The following OSBPL10 variants were observed in gnomAD, a reference collection of about 807,000 sequenced individuals.
The protein encoded by OSBPL10 is oxysterol-binding protein-related protein 10.
A neutral mutation model predicts 81.7 loss-of-function variants in OSBPL10; 49 were observed. The observed-to-expected ratio is 0.60, with a 90% CI of 0.48 to 0.76. The LOEUF (loss-of-function observed/expected upper bound fraction) is 0.76. OSBPL10 is among the 30% of genes least tolerant of loss of function. The pLI, the probability that OSBPL10 is intolerant of heterozygous loss-of-function variation, is 0.00. For synonymous variants in OSBPL10, 419 were observed against 383.6 expected (o/e 1.09, Z -1.08); for missense variants, 923 against 987.8 (o/e 0.93, Z 0.88).
intron 5 of OSBPL10, among the ~76,000 whole-genome samples, chr3:31,738,342 G>T (rs1697251506): frequency 6.8e-6 from 1 of 147,202 alleles, no homozygotes. Flanking sequence ...AAAATCAAGA[G>T]AAAAATTTTC....
At chr3:31,685,904 C>T (rs1030705901) in intron 7 of OSBPL10, among the ~76,000 whole-genome samples, 2 of 152,138 alleles carry the variant, frequency 1.3e-5, no homozygotes, top group Admixed American at 6.5e-5. Context: ...ATTTGATCCC[C>T]GATGTGGCAG....
At chr3:31,739,387 A>G (rs1310377611) in intron 5 of OSBPL10, among the ~76,000 whole-genome samples, 2 of 152,246 alleles carry the variant, frequency 1.3e-5, no homozygotes, top group African/African-American at 4.8e-5. Flanking sequence ...CCATCCTATC[A>G]GATCCTCTCT....
chr3:31,948,236 T>G lies in OSBPL10; in HGVS notation c.281+32663A>C, dbSNP rs115021489. On this transcript the variant is annotated intron_variant, in intron 1 of 11. Transcript: ENST00000396556. ...CAATGGACAGAGTCCATTCTAGAAG[T>G]CCAGCAGAACAATATACATGCAGGG... 3.4e-3 allele frequency among the ~76,000 whole-genome samples: 519 copies of G among 152,206 alleles called. 1 individual carries two copies. Among genetic ancestry groups the G allele is most frequent in the African/African-American group, 0.012 (496 of 41,526 alleles).
chr3:32,051,625 T>C (rs1699670714), intron 1 of OSBPL10, among the ~76,000 whole-genome samples: 2 of 152,210 alleles, frequency 1.3e-5, no homozygotes, highest in South Asian at 4.1e-4. Flanking sequence ...TGTGGATCTA[T>C]TTTCCTTTCC....
intron 3 of OSBPL10, among the ~76,000 whole-genome samples, chr3:31,873,248 C>T (rs1161128121): frequency 6.6e-6 from 1 of 152,112 alleles, no homozygotes; most frequent in Non-Finnish European, 1.5e-5. Flanking sequence ...CAATATTCTA[C>T]CATATTCTAC....
At chr3:31,931,331 C>A (rs1398956284) in intron 1 of OSBPL10, among the ~76,000 whole-genome samples, 1 of 152,166 alleles carries the variant, frequency 6.6e-6, no homozygotes, top group Non-Finnish European at 1.5e-5. Context: ...TCTGATGATT[C>A]TCTCTAAAAC....
chr3:32,014,199 A>C (rs1201658337), intron 2 of OSBPL10, among the ~76,000 whole-genome samples: 2 of 152,226 alleles, frequency 1.3e-5, no homozygotes, highest in Admixed American at 1.3e-4. Context: ...ATCCTCAATA[A>C]AATACTGGCA....
In OSBPL10 at chr3:32,050,345, T is replaced by C. The variant is rs929485051; in HGVS notation, n.186-3742A>G. ...CGGTGGCATGAATTCAGGGTTCAATTTCTGGCTTTGGGAATGAGTCCTTTC... is the reference window on the plus strand; with the variant it reads ...CGGTGGCATGAATTCAGGGTTCAATCTCTGGCTTTGGGAATGAGTCCTTTC... On this transcript the variant is annotated intron_variant and non_coding_transcript_variant, in intron 1 of 3. Transcript: ENST00000479173. 8.5e-5 allele frequency among the ~76,000 whole-genome samples: 13 copies of C among 152,354 alleles called. 1 individual carries two copies. The highest frequency in any genetic ancestry group is 3.1e-4 in the African/African-American group (13 of 41,586).
chr3:31,788,230 T>C (rs1040518158), intron 4 of OSBPL10, among the ~76,000 whole-genome samples: 1 of 152,194 alleles, frequency 6.6e-6, no homozygotes, highest in Non-Finnish European at 1.5e-5. Context: ...ACTATCAACA[T>C]GAACAGGAAT....
At chr3:31,675,252 A>G (rs1446009759) in intron 8 of OSBPL10, among the ~76,000 whole-genome samples, 4 of 152,220 alleles carry the variant, frequency 2.6e-5, no homozygotes, top group African/African-American at 9.6e-5. Context: ...AACAGCCACA[A>G]ACTTGGCTGG....
At chr3:31,780,755 T>C (rs1476976048) in intron 4 of OSBPL10, among the ~76,000 whole-genome samples, 6 of 152,034 alleles carry the variant, frequency 3.9e-5, no homozygotes, top group African/African-American at 1.4e-4. Flanking sequence ...CTGGATTAAA[T>C]TAGGAAGAAA....
Position 31,830,293 on chromosome 3 carries a change from G to A in OSBPL10, c.538-62C>T, listed in dbSNP as rs574948925. ...ACCTGCAGAACACAACTAAGTGTTGGCTTCTATTCATTTTGGACCTCTTCA... is the reference window on the plus strand; with the variant it reads ...ACCTGCAGAACACAACTAAGTGTTGACTTCTATTCATTTTGGACCTCTTCA... On this transcript the variant is annotated intron_variant, in intron 3 of 11. Transcript: ENST00000396556. 9 of 1,479,106 alleles carry A rather than the reference G, an allele frequency of 6.1e-6. No homozygotes were observed. The East Asian group carries it at 2.1e-4, about 34-fold the overall frequency. The allele number at this position is 1,479,106 out of a possible 1,614,324, so 91.6% of individuals were successfully genotyped here.
intron 1 of OSBPL10, among the ~76,000 whole-genome samples, chr3:32,047,764 A>C (rs1329800603): frequency 2.7e-5 from 4 of 150,936 alleles, no homozygotes; most frequent in Non-Finnish European, 5.9e-5. Flanking sequence ...CCGGGTTCAC[A>C]CCATTCTCCT....
At chr3:31,876,295 G>T in intron 3 of OSBPL10, 138 bp downstream of exon 3, 1 of 686,328 alleles carries the variant, frequency 1.5e-6, no homozygotes, top group Non-Finnish European at 2.5e-6. Context: ...TTTATGTGCA[G>T]CAGGACAAGT....
At chr3:31,876,587 A>ACCC in intron 2 of OSBPL10, 75 bp from the exon 3 acceptor site, 2 of 1,269,984 alleles carry the variant, frequency 1.6e-6, no homozygotes, top group Non-Finnish European at 2.3e-6. Context: ...TTCTACACCC[A>ACCC]CCTAAGGGGG....
At chr3:31,833,412 C>T (rs1453084836) in intron 3 of OSBPL10, among the ~76,000 whole-genome samples, 1 of 152,030 alleles carries the variant, frequency 6.6e-6, no homozygotes, top group African/African-American at 2.4e-5. Flanking sequence ...TAAAAGTCAC[C>T]ATGAAGTTTA....
chr3:32,037,829 C>T (rs1699534722), intron 2 of OSBPL10, among the ~76,000 whole-genome samples: 1 of 152,048 alleles, frequency 6.6e-6, no homozygotes, highest in East Asian at 1.9e-4. Context: ...AGTGACAATC[C>T]CAGGCCTTGA....
chr3:31,985,274 C>T (rs142191159), upstream of OSBPL10, among the ~76,000 whole-genome samples: 6 of 152,244 alleles, frequency 3.9e-5, no homozygotes, highest in African/African-American at 1.4e-4. Flanking sequence ...ATTGGCTAAA[C>T]ACAAATGCTC....
intron 3 of OSBPL10, among the ~76,000 whole-genome samples, chr3:31,857,379 G>A (rs7613464): frequency 0.69 from 104,915 of 151,972 alleles, 37,165 homozygotes; most frequent in East Asian, 0.87. Context: ...TGAACTGGCA[G>A]GAATTTGGAA....
Sources: gnomAD v4.1 joint callset for allele counts (sites outside exome capture counted in the v4.1 genomes callset) on GRCh38, gnomAD v4.1.1 for gene constraint, MANE v1.5 for transcripts, NCBI Gene and HGNC (gene_info 2026-07-23, HGNC 2026-07-21) for gene names.